Variants in CLDN10 observed in about 807,000 individuals in gnomAD.
The protein encoded by CLDN10 is claudin 10, also known as claudin-10.
In CLDN10, 15 loss-of-function variants were observed where a neutral mutation model predicts 22.9. The observed-to-expected ratio is 0.65, with a 90% CI of 0.44 to 1.01. CLDN10 has a LOEUF of 1.01. Ranked by LOEUF, CLDN10 falls within the 50% of genes least tolerant of loss-of-function variation. The probability of loss-of-function intolerance (pLI) is 0.00; values close to 1 mark genes in which losing one functional copy is unlikely to be tolerated. For synonymous variants in CLDN10, 114 were observed against 111.4 expected (o/e 1.02, Z -0.15); for missense variants, 247 against 287.8 (o/e 0.86, Z 1.03).
At chr13:95,522,664 T>A (rs963296307) in intron 1 of CLDN10, among the ~76,000 whole-genome samples, 3 of 152,086 alleles carry the variant, frequency 2.0e-5, no homozygotes, top group Admixed American at 2.0e-4. Flanking sequence ...AAACCCCCCA[T>A]TATGGTTGTA....
intron 1 of CLDN10, among the ~76,000 whole-genome samples, chr13:95,556,103 T>C (rs1019966292): frequency 7.9e-5 from 12 of 152,100 alleles, no homozygotes; most frequent in Middle Eastern, 3.2e-3. Context: ...CAGAGTGCCA[T>C]GGCATGATCT....
chr13:95,434,556 C>CACACATGTGTGTATATATATATGT (rs2042247307), intron 1 of CLDN10, among the ~76,000 whole-genome samples: 1 of 148,548 alleles, frequency 6.7e-6, no homozygotes, highest in African/African-American at 2.6e-5. Flanking sequence ...TATATATATG[C>CACACATGTGTGTATATATATATGT]ACACATGTGT....
chr13:95,504,354 T>A (rs956739336), intron 1 of CLDN10, among the ~76,000 whole-genome samples: 1 of 152,148 alleles, frequency 6.6e-6, no homozygotes, highest in Non-Finnish European at 1.5e-5. Context: ...TGAGATGACA[T>A]TTACATATTC....
At chr13:95,482,869 C>A (rs1054136955) in intron 1 of CLDN10, among the ~76,000 whole-genome samples, 1 of 152,150 alleles carries the variant, frequency 6.6e-6, no homozygotes, top group African/African-American at 2.4e-5. Context: ...ATCCCAGCTA[C>A]TCCGGAGGCT....
At chr13:95,542,257 G>A (rs906849871) in intron 1 of CLDN10, among the ~76,000 whole-genome samples, 5 of 152,080 alleles carry the variant, frequency 3.3e-5, no homozygotes, top group African/African-American at 9.7e-5. Context: ...CTCCAATACC[G>A]GGAATTACAA....
intron 1 of CLDN10, among the ~76,000 whole-genome samples, chr13:95,511,688 A>G (rs1233461617): frequency 7.0e-6 from 1 of 142,440 alleles, no homozygotes; most frequent in African/African-American, 2.6e-5. Flanking sequence ...TGATGTTAAT[A>G]TGAGCAATGT....
chr13:95,437,207 ACC>A (rs1474595878), intron 1 of CLDN10, among the ~76,000 whole-genome samples: 3 of 152,196 alleles, frequency 2.0e-5, no homozygotes, highest in Non-Finnish European at 4.4e-5. Flanking sequence ...GTGAGCAAAC[ACC>A]TCTTTGGGTG....
At chr13:95,535,186 G>A (rs7999670) in intron 1 of CLDN10, among the ~76,000 whole-genome samples, 150,538 of 152,238 alleles carry the variant, frequency 0.99, 74,455 homozygotes, top group Middle Eastern at 1. Context: ...GTCATGATAA[G>A]ATACACAGAT....
chr13:95,503,432 G>A (rs889643117), intron 1 of CLDN10, among the ~76,000 whole-genome samples: 1 of 152,042 alleles, frequency 6.6e-6, no homozygotes, highest in Non-Finnish European at 1.5e-5. Flanking sequence ...GCTGTCCATA[G>A]GTTCCTCAAA....
At chr13:95,443,314 T>C (rs535701726) in intron 1 of CLDN10, among the ~76,000 whole-genome samples, 1 of 152,246 alleles carries the variant, frequency 6.6e-6, no homozygotes, top group Non-Finnish European at 1.5e-5. Context: ...TGATGTCTAG[T>C]TACATGCTTC....
chr13:95,508,026 T>A (rs185059086), intron 1 of CLDN10, among the ~76,000 whole-genome samples: 1 of 152,150 alleles, frequency 6.6e-6, no homozygotes, highest in East Asian at 1.9e-4. Flanking sequence ...AGGTGGAGGC[T>A]GCAGTGAGCC....
chr13:95,472,503 T>C (rs2042643176), intron 1 of CLDN10, among the ~76,000 whole-genome samples: 1 of 151,544 alleles, frequency 6.6e-6, no homozygotes, highest in African/African-American at 2.4e-5. Flanking sequence ...CCAACATGGC[T>C]CTACTTAAAA....
chr13:95,520,586 T>C (rs1457615024), intron 1 of CLDN10, among the ~76,000 whole-genome samples: 1 of 152,192 alleles, frequency 6.6e-6, no homozygotes, highest in Non-Finnish European at 1.5e-5. Context: ...TTGGTCAGGC[T>C]GGTCTCAAAC....
intron 1 of CLDN10, among the ~76,000 whole-genome samples, chr13:95,544,302 T>C (rs150024282): frequency 1.1e-3 from 172 of 152,334 alleles, no homozygotes; most frequent in Middle Eastern, 0.01. Context: ...TGTCAAAAAA[T>C]TACAATATAA....
intron 1 of CLDN10, among the ~76,000 whole-genome samples, chr13:95,485,767 G>A (rs900249895): frequency 1.3e-5 from 2 of 152,150 alleles, no homozygotes; most frequent in African/African-American, 4.8e-5. Flanking sequence ...CGTGCTTTGA[G>A]GCCAACTCAA....
intron 1 of CLDN10, among the ~76,000 whole-genome samples, chr13:95,471,453 A>ATTTTTT (rs1555289822): frequency 3.8e-5 from 4 of 106,394 alleles, no homozygotes; most frequent in Non-Finnish European, 5.4e-5. Context: ...ATATATATAT[A>ATTTTTT]TTTTTTTTTT....
chr13:95,516,762 G>A (rs1297506169), intron 1 of CLDN10, among the ~76,000 whole-genome samples: 1 of 152,116 alleles, frequency 6.6e-6, no homozygotes, highest in Non-Finnish European at 1.5e-5. Flanking sequence ...AGAAGGGCAC[G>A]GAGGGGAATC....
In CLDN10 at chr13:95,491,246, A is replaced by G. The variant is rs145967611; in HGVS notation, c.214+57199A>G. ...TTTAAATGGAGCATTTAGACCATTT[A>G]TATTCAATATTGTATTGAAATGTGA... On this transcript the variant is annotated intron_variant, in intron 1 of 4. Transcript: ENST00000376873. 3.3e-3 allele frequency among the ~76,000 whole-genome samples: 496 copies of G among 152,256 alleles called. 2 individuals carry two copies. The highest frequency in any genetic ancestry group is 0.011 in the African/African-American group (471 of 41,542).
chr13:95,472,047 G>T (rs1234826399), intron 1 of CLDN10, among the ~76,000 whole-genome samples: 1 of 149,886 alleles, frequency 6.7e-6, no homozygotes, highest in Non-Finnish European at 1.5e-5. Flanking sequence ...GCCTCTCAAA[G>T]TGTTGGGACT....
Sources: gnomAD v4.1 joint callset for allele counts (sites outside exome capture counted in the v4.1 genomes callset) on GRCh38, gnomAD v4.1.1 for gene constraint, MANE v1.5 for transcripts, NCBI Gene and HGNC (gene_info 2026-07-23, HGNC 2026-07-21) for gene names.